Variants in PHYHIPL observed in about 807,000 individuals in gnomAD.
PHYHIPL encodes the protein phytanoyl-CoA 2-hydroxylase interacting protein like.
PHYHIPL carries 9 observed loss-of-function variants against 33.4 expected under a neutral mutation model. That is an observed-to-expected ratio of 0.27 (90% CI 0.16 to 0.47). The LOEUF (loss-of-function observed/expected upper bound fraction) is 0.47. Among genes scored for constraint, PHYHIPL ranks in the 20% least tolerant of loss-of-function variants. The pLI is 0.99. For synonymous variants in PHYHIPL, 153 were observed against 154.1 expected, an observed-to-expected ratio of 0.99 and a Z score of 0.05; for missense variants, 365 against 460.7, an observed-to-expected ratio of 0.79 and a Z score of 1.90.
At chr10:59,216,955 G>T (rs766413111) in intron 1 of PHYHIPL, among the ~76,000 whole-genome samples, 11 of 152,110 alleles carry the variant, frequency 7.2e-5, no homozygotes, top group Non-Finnish European at 1.2e-4. Flanking sequence ...ATGCATGTCT[G>T]TTGAACAAGT....
chr10:59,177,205 T>G, intron 1 of PHYHIPL: 1 of 582,330 alleles, frequency 1.7e-6, no homozygotes, highest in Non-Finnish European at 2.9e-6. Flanking sequence ...CTTCGCCGCC[T>G]TCGCCCGCCT....
At chr10:59,182,867 C>T (rs1589255888) in intron 1 of PHYHIPL, among the ~76,000 whole-genome samples, 2 of 152,086 alleles carry the variant, frequency 1.3e-5, no homozygotes, top group East Asian at 3.9e-4. Context: ...TCAGGAGTAA[C>T]TTCAGGATTT....
In PHYHIPL at chr10:59,183,607, A is replaced by G. The variant is rs965566469; in HGVS notation, c.106+6648A>G. 27 of 973,348 alleles carry G rather than the reference A, an allele frequency of 2.8e-5. No homozygotes were observed. In the African/African-American group the frequency reaches 4.0e-4, roughly 15 times the overall value. The allele number at this position is 973,348 out of a possible 1,614,324, so 60.3% of individuals were successfully genotyped here. ...TCCAACTTTAAACAACAAAGATGAA[A>G]TAAATCTACAACCAGGTTTGTTACA... is the stretch of plus-strand genomic sequence containing the variant. On this transcript the variant is annotated intron_variant, in intron 1 of 4. Transcript: ENST00000373880.
intron 1 of PHYHIPL, among the ~76,000 whole-genome samples, chr10:59,207,299 G>A (rs568132195): frequency 1.5e-4 from 23 of 152,256 alleles, no homozygotes; most frequent in Admixed American, 8.5e-4. Flanking sequence ...AGGGTGGGGC[G>A]TTGCCTCACC....
chr10:59,184,946 A>G (rs1437813035), intron 1 of PHYHIPL, among the ~76,000 whole-genome samples: 1 of 150,478 alleles, frequency 6.6e-6, no homozygotes, highest in East Asian at 1.9e-4. Context: ...GATGGTTTCA[A>G]GCTTCATCCA....
intron 4 of PHYHIPL, among the ~76,000 whole-genome samples, chr10:59,240,829 C>G (rs899356737): frequency 1.3e-5 from 2 of 151,938 alleles, no homozygotes; most frequent in Non-Finnish European, 2.9e-5. Flanking sequence ...TGGGAACTGG[C>G]CTTTGTTTTT....
intron 4 of PHYHIPL, among the ~76,000 whole-genome samples, chr10:59,242,415 G>GTAGA (rs766597267): frequency 3.5e-5 from 5 of 141,142 alleles, no homozygotes; most frequent in Non-Finnish European, 7.5e-5. Flanking sequence ...TCACCCACTG[G>GTAGA]TAGATAGTCA....
rs1329429219 is a variant in PHYHIPL, at chr10:59,177,343, C to CG, written c.106+384_106+385insG. ...GGAAATGCCCTCGGGATGTTTCTAG[C>CG]AACCCCCTTCCCCCAACACACACAC... On this transcript the variant is annotated intron_variant, in intron 1 of 4. Transcript: ENST00000373880. The CG allele has an allele frequency of 3.5e-6, 3 of 868,428 alleles. No individual in the cohort carries two copies. In the African/African-American group the frequency reaches 5.2e-5, roughly 15 times the overall value. The allele number at this position is 868,428 out of a possible 1,614,324, so 53.8% of individuals were successfully genotyped here. A position where few individuals can be genotyped will look rare whatever the true frequency, so the allele number is the denominator to read the frequency against.
In PHYHIPL at chr10:59,243,034, A is replaced by G. The variant is rs535799300; in HGVS notation, c.597-2023A>G. 3.9e-5 allele frequency among the ~76,000 whole-genome samples: 6 copies of G among 152,278 alleles called. No individual in the cohort carries two copies. In the South Asian group the frequency reaches 1.2e-3, roughly 32 times the overall value. ...GTTCCCAAATTTGCCAAACAACATA[A>G]ACATACAGATTCAAGCTGAGAAAAC... On this transcript the variant is annotated intron_variant, in intron 4 of 4. Transcript: ENST00000373880.
chr10:59,227,777 T>C (rs1839965393), intron 1 of PHYHIPL, among the ~76,000 whole-genome samples: 1 of 152,124 alleles, frequency 6.6e-6, no homozygotes, highest in Non-Finnish European at 1.5e-5. Context: ...TTGTGAATCA[T>C]GCTTTTAAGT....
Position 59,245,566 on chromosome 10 carries a change from C to T in PHYHIPL, c.1106C>T (p.Thr369Ile), listed in dbSNP as rs1378779400. Residue 369 changes from threonine to isoleucine, a missense_variant, in exon 5 of 5, where the codon ACC becomes ATC. By Grantham distance (89) the Thr-to-Ile change is moderately conservative. This residue lies in a region of PHYHIPL where 17 missense variants were observed against 38.2 expected (regional missense o/e 0.45). Transcript: ENST00000373880. ...GCAAAGAAAGATCCCAGCTGCAAAA[C>T]CTGTAATATCAGTGTTGGACGTTAA... The part of the protein sequence containing the change: ...ANAKKDPSCK[T>I]CNISVGR 2.5e-6 allele frequency: 4 copies of T among 1,607,630 alleles called. No individual in the cohort carries two copies. The South Asian group carries it at 4.5e-5, about 18-fold the overall frequency.
At chr10:59,206,803 C>T (rs1423407689) in intron 1 of PHYHIPL, 2 of 1,230,972 alleles carry the variant, frequency 1.6e-6, no homozygotes, top group Non-Finnish European at 1.0e-6. Flanking sequence ...GATAAAAGCA[C>T]CATTGGTTCA....
intron 1 of PHYHIPL, among the ~76,000 whole-genome samples, chr10:59,203,054 T>G (rs1050835404): frequency 6.6e-6 from 1 of 151,858 alleles, no homozygotes; most frequent in African/African-American, 2.4e-5. Context: ...TACAAAGAAC[T>G]AAACAAATTT....
rs182767900 is a variant in PHYHIPL, at chr10:59,184,540, A to G, written c.106+7581A>G. Among the ~76,000 whole-genome samples the G allele has an allele frequency of 6.1e-4, 93 of 152,238 alleles. No homozygotes were observed. In the East Asian group the frequency reaches 0.014, roughly 22 times the overall value. ...AGAGACTTGAATAATGTTATCAGGC[A>G]GTAAGTTAGTTCTGTATGGAGTCAG... On this transcript the variant is annotated intron_variant, in intron 1 of 4. Coordinates refer to ENST00000373880, the MANE Select transcript of PHYHIPL (RefSeq NM_032439.4).
At chr10:59,242,785 C>T (rs1840448291) in intron 4 of PHYHIPL, among the ~76,000 whole-genome samples, 2 of 151,940 alleles carry the variant, frequency 1.3e-5, no homozygotes, top group Non-Finnish European at 2.9e-5. Context: ...TCCATGGATT[C>T]CACAGCAGAT....
intron 1 of PHYHIPL, among the ~76,000 whole-genome samples, chr10:59,199,003 C>G (rs368975080): frequency 6.6e-5 from 10 of 151,976 alleles, no homozygotes; most frequent in East Asian, 1.9e-4. Flanking sequence ...CCATTCTGTA[C>G]GTTGCCTGTT....
intron 1 of PHYHIPL, among the ~76,000 whole-genome samples, chr10:59,198,625 G>A (rs1024534644): frequency 2.6e-5 from 4 of 152,140 alleles, no homozygotes; most frequent in Admixed American, 6.5e-5. Flanking sequence ...TTGAGGAATC[G>A]CCACACTGTC....
At chr10:59,232,587 TTAGA>T (rs1211343207) in intron 1 of PHYHIPL, among the ~76,000 whole-genome samples, 3 of 151,940 alleles carry the variant, frequency 2.0e-5, no homozygotes, top group Non-Finnish European at 2.9e-5. Context: ...TAATAGTATC[TTAGA>T]TAGTGTTACT....
At chr10:59,177,548 TC>T in intron 1 of PHYHIPL, 2 of 1,551,744 alleles carry the variant, frequency 1.3e-6, no homozygotes, top group Non-Finnish European at 1.7e-6. Flanking sequence ...TCTTCATGGT[TC>T]CTGGGCTCTG....
Sources: gnomAD v4.1 joint callset for allele counts (sites outside exome capture counted in the v4.1 genomes callset) on GRCh38, gnomAD v4.1.1 for gene constraint, gnomAD v4.1.1 regional missense constraint, MANE v1.5 for transcripts, NCBI Gene and HGNC (gene_info 2026-07-23, HGNC 2026-07-21) for gene names.